PGCKA1: variants seen among roughly 807,000 people sequenced by gnomAD.
The protein encoded by PGCKA1 is PDCD10 and GCKIII kinases-associated protein 1.
the PGCKA1 span, among the ~76,000 whole-genome samples, chr4:37,532,925 A>C: frequency 1.5e-4 from 13 of 89,350 alleles, no homozygotes; most frequent in Non-Finnish European, 3.0e-4. Flanking sequence ...GCTAAAGAAG[A>C]TTATAGAATC....
chr4:37,488,147 C>A, the PGCKA1 span, among the ~76,000 whole-genome samples: 2,278 of 152,234 alleles, frequency 0.015, 57 homozygotes, highest in African/African-American at 0.052. Flanking sequence ...ATTTCCAAAT[C>A]CTTTCAAGTC....
chr4:37,470,159 T>C, the PGCKA1 span, among the ~76,000 whole-genome samples: 3 of 152,238 alleles, frequency 2.0e-5, no homozygotes, highest in Admixed American at 6.5e-5. Context: ...TTTATGTTTC[T>C]TAATATCTAC....
At chr4:37,590,233 G>T in the PGCKA1 span, 4 of 1,614,094 alleles carry the variant, frequency 2.5e-6, no homozygotes, top group Non-Finnish European at 3.4e-6. Context: ...TCAGAGGCAG[G>T]GCTCAAAGAA....
chr4:37,503,108 C>A, the PGCKA1 span, among the ~76,000 whole-genome samples: 3 of 152,308 alleles, frequency 2.0e-5, no homozygotes, highest in Non-Finnish European at 4.4e-5. Flanking sequence ...GCCCCTACCA[C>A]TTCTCTTAGC....
the PGCKA1 span, among the ~76,000 whole-genome samples, chr4:37,461,411 T>G: frequency 2.6e-5 from 4 of 152,030 alleles, no homozygotes; most frequent in Non-Finnish European, 4.4e-5. Flanking sequence ...CTTTGGGCAA[T>G]ATGGCTATTT....
the PGCKA1 span, chr4:37,453,908 G>C: frequency 1.3e-5 from 2 of 152,406 alleles, no homozygotes; most frequent in African/African-American, 4.8e-5. Context: ...CAGCGCTGGG[G>C]CGGCCGCTGC....
the PGCKA1 span, among the ~76,000 whole-genome samples, chr4:37,564,204 T>TC: frequency 7.0e-6 from 1 of 142,842 alleles, no homozygotes; most frequent in Non-Finnish European, 1.5e-5. Context: ...GACCCGGGAG[T>TC]CGGAGGTTGC....
At chr4:37,504,012 AC>A in the PGCKA1 span, among the ~76,000 whole-genome samples, 1 of 152,098 alleles carries the variant, frequency 6.6e-6, no homozygotes, top group Admixed American at 6.5e-5. Flanking sequence ...CTGAGGTATT[AC>A]TTTGTCCAGT....
At chr4:37,494,696 G>A in the PGCKA1 span, among the ~76,000 whole-genome samples, 1 of 152,160 alleles carries the variant, frequency 6.6e-6, no homozygotes, top group Non-Finnish European at 1.5e-5. Flanking sequence ...TTGAGGAATT[G>A]CCACACTGTT....
At chr4:37,589,888 A>T in the PGCKA1 span, among the ~76,000 whole-genome samples, 35 of 152,150 alleles carry the variant, frequency 2.3e-4, 1 homozygote, top group Admixed American at 9.2e-4. Flanking sequence ...CGCCTTGGCC[A>T]CCCAAATTGC....
chr4:37,498,454 T>C, the PGCKA1 span, among the ~76,000 whole-genome samples: 1 of 152,252 alleles, frequency 6.6e-6, no homozygotes, highest in East Asian at 1.9e-4. Flanking sequence ...GATGATGGTA[T>C]TTTGGTGGGG....
the PGCKA1 span, among the ~76,000 whole-genome samples, chr4:37,468,746 C>CA: frequency 0.41 from 62,419 of 151,254 alleles, 13,620 homozygotes; most frequent in Non-Finnish European, 0.49. Flanking sequence ...CTGTATACCC[C>CA]CCCACACACA....
the PGCKA1 span, among the ~76,000 whole-genome samples, chr4:37,503,395 C>T: frequency 1.3e-5 from 2 of 152,202 alleles, no homozygotes; most frequent in Non-Finnish European, 2.9e-5. Flanking sequence ...ATCCCAGTCC[C>T]TCAGTGACAG....
chr4:37,495,207 G>T, the PGCKA1 span, among the ~76,000 whole-genome samples: 1 of 152,132 alleles, frequency 6.6e-6, no homozygotes, highest in Non-Finnish European at 1.5e-5. Flanking sequence ...TTAGAATGGC[G>T]ATCATTCTTA....
the PGCKA1 span, among the ~76,000 whole-genome samples, chr4:37,518,292 T>C: frequency 1.3e-5 from 2 of 152,216 alleles, no homozygotes; most frequent in African/African-American, 4.8e-5. Flanking sequence ...TACCCAGCAG[T>C]GGGATTGCTA....
the PGCKA1 span, among the ~76,000 whole-genome samples, chr4:37,467,602 G>T: frequency 2.6e-5 from 4 of 152,146 alleles, no homozygotes; most frequent in East Asian, 5.8e-4. Context: ...CTAATGGGGT[G>T]GCCAAAGTCA....
At chr4:37,466,822 G>A in the PGCKA1 span, among the ~76,000 whole-genome samples, 3 of 152,186 alleles carry the variant, frequency 2.0e-5, no homozygotes, top group Non-Finnish European at 4.4e-5. Flanking sequence ...TGTAGGCCAA[G>A]CACGCTGGCT....
chr4:37,556,915 G>A, the PGCKA1 span, among the ~76,000 whole-genome samples: 2 of 152,206 alleles, frequency 1.3e-5, no homozygotes, highest in African/African-American at 4.8e-5. Context: ...GTGTATCAGA[G>A]CTTAAGGAGT....
At chr4:37,471,350 A>G in the PGCKA1 span, among the ~76,000 whole-genome samples, 41 of 140,634 alleles carry the variant, frequency 2.9e-4, no homozygotes, top group African/African-American at 1.0e-3. Context: ...CTAAGTTTTC[A>G]TTTGTTTATA....
Sources: gnomAD v4.1 joint callset for allele counts (sites outside exome capture counted in the v4.1 genomes callset) on GRCh38, gnomAD v4.1.1 for gene constraint, MANE v1.5 for transcripts, NCBI Gene and HGNC (gene_info 2026-07-23, HGNC 2026-07-21) for gene names.